TECRL: variants seen among roughly 807,000 people sequenced by gnomAD.
TECRL encodes trans-2,3-enoyl-CoA reductase like.
TECRL carries 63 observed loss-of-function variants against 52.8 expected under a neutral mutation model. The observed-to-expected ratio is 1.19, with a 90% CI of 0.97 to 1.47. The LOEUF (loss-of-function observed/expected upper bound fraction) is 1.47. Ranked by LOEUF, TECRL falls within the 40% of genes most tolerant of loss-of-function variation. The probability of loss-of-function intolerance (pLI) is 0.00; values close to 1 mark genes in which losing one functional copy is unlikely to be tolerated. For synonymous variants in TECRL, 164 were observed against 141.9 expected (o/e 1.16, Z -1.10); for missense variants, 482 against 429.6 (o/e 1.12, Z -1.08).
chr4:64,342,504 G>A (rs1719658089), intron 2 of TECRL, among the ~76,000 whole-genome samples: 1 of 151,818 alleles, frequency 6.6e-6, no homozygotes, highest in African/African-American at 2.4e-5. Context: ...TTAAATGTGA[G>A]ACTGTTACTT....
rs1722740741 is a variant in TECRL, at chr4:64,280,081, G to A, written c.1083C>T (p.Phe361=). The change falls in exon 12 of 12, where the codon TTC becomes TTT. Residue 361 remains phenylalanine, a synonymous_variant. Coordinates refer to ENST00000381210, the MANE Select transcript of TECRL (RefSeq NM_001010874.5). ...AGATAAGATTCTTTTTTTACAATAT[G>A]AATGGAATCATTGCTGATTTTCTAT... ...YIHRKSAMIP[F]IL 6.3e-7 allele frequency: 1 copy of A among 1,589,638 alleles called. No individual in the cohort carries two copies. The highest frequency in any genetic ancestry group is 1.2e-5 in the South Asian group (1 of 86,638).
intron 3 of TECRL, among the ~76,000 whole-genome samples, chr4:64,324,399 G>T (rs2110035316): frequency 6.6e-6 from 1 of 151,706 alleles, no homozygotes; most frequent in East Asian, 1.9e-4. Context: ...TATTATTGTT[G>T]TTATTATTAT....
Position 64,278,394 on chromosome 4 carries a change from A to T in TECRL, c.*1678T>A, listed in dbSNP as rs1390222938. On this transcript the variant is annotated 3_prime_UTR_variant, in exon 12 of 12. Transcript: ENST00000381210. ...ACAATAAAAGAATTAAATTATTGTC[A>T]AAATAATGAGATTCAAGTAATTTAA... 1 of 246,222 alleles carries T rather than the reference A, an allele frequency of 4.1e-6. No homozygotes were observed. Among genetic ancestry groups the T allele is most frequent in the African/African-American group, 2.3e-5 (1 of 43,150 alleles). 15.3% of individuals were successfully genotyped at this position (246,222 alleles called of 1,614,324 possible).
chr4:64,302,012 G>A (rs1287989718), intron 7 of TECRL, among the ~76,000 whole-genome samples: 6 of 150,958 alleles, frequency 4.0e-5, no homozygotes, highest in Non-Finnish European at 8.9e-5. Flanking sequence ...TAACCTAATA[G>A]GCCATTATTC....
Position 64,342,019 on chromosome 4 carries a change from C to T in TECRL, c.287-13463G>A, listed in dbSNP as rs199940560. Reference sequence around the variant, plus strand: ...GGCCAGTAGCATGAGCTCAGTGCAACCTGCCAGGCCGAGTGGGCAGAATGA... The same window carrying T: ...GGCCAGTAGCATGAGCTCAGTGCAATCTGCCAGGCCGAGTGGGCAGAATGA... On this transcript the variant is annotated intron_variant, in intron 2 of 11. Transcript: ENST00000381210. 6.6e-5 allele frequency among the ~76,000 whole-genome samples: 10 copies of T among 152,136 alleles called. No homozygotes were observed. The East Asian group carries it at 9.6e-4, about 15-fold the overall frequency.
chr4:64,287,293 T>G (rs1452910893), intron 9 of TECRL, among the ~76,000 whole-genome samples: 1 of 152,148 alleles, frequency 6.6e-6, no homozygotes, highest in Non-Finnish European at 1.5e-5. Flanking sequence ...AACAAACATA[T>G]GCTTATATTA....
At chr4:64,277,033 T>C (rs1402612392), downstream of TECRL, 16 of 1,495,212 alleles carry the variant, frequency 1.1e-5, no homozygotes, top group Non-Finnish European at 1.4e-5. Context: ...TCTTTTGATG[T>C]CTTAGGCAGT....
chr4:64,289,027 G>A (rs557629840), intron 9 of TECRL, among the ~76,000 whole-genome samples: 1 of 152,260 alleles, frequency 6.6e-6, no homozygotes, highest in African/African-American at 2.4e-5. Flanking sequence ...TCAGCAGGGG[G>A]TAGAAAATGC....
intron 1 of TECRL, among the ~76,000 whole-genome samples, chr4:64,385,642 G>T (rs182363210): frequency 6.6e-6 from 1 of 152,204 alleles, no homozygotes; most frequent in Non-Finnish European, 1.5e-5. Context: ...AGGGGTTGTT[G>T]GGCCCCAAGG....
At chr4:64,282,886 A>G (rs985841191) in intron 9 of TECRL, among the ~76,000 whole-genome samples, 1 of 152,050 alleles carries the variant, frequency 6.6e-6, no homozygotes, top group Non-Finnish European at 1.5e-5. Context: ...ATGTTCTCTC[A>G]ACCTATAGTT....
intron 2 of TECRL, among the ~76,000 whole-genome samples, chr4:64,332,428 A>G (rs182950782): frequency 6.6e-6 from 1 of 152,304 alleles, no homozygotes; most frequent in African/African-American, 2.4e-5. Flanking sequence ...CTTCTCTGGA[A>G]GGAGATCGCT....
At chr4:64,401,015 A>G (rs2109779881) in intron 1 of TECRL, among the ~76,000 whole-genome samples, 1 of 152,320 alleles carries the variant, frequency 6.6e-6, no homozygotes, top group Middle Eastern at 3.4e-3. Context: ...AGTGTCTTAA[A>G]GCCTAAGCAG....
chr4:64,307,950 C>T lies in TECRL; in HGVS notation c.657+1876G>A, dbSNP rs115583204. Among the ~76,000 whole-genome samples the T allele has an allele frequency of 4.3e-3, 656 of 152,244 alleles. 4 individuals are homozygous for T. The highest frequency in any genetic ancestry group is 0.014 in the African/African-American group (602 of 41,558). The stretch of plus-strand genomic sequence containing the variant: ...TAATATGGGAAGATGGAGGAGAAAA[C>T]ACTTTCAAATGTGCATACTGGAGGA... On this transcript the variant is annotated intron_variant, in intron 6 of 11. Transcript: ENST00000381210.
chr4:64,341,390 C>A (rs911153925), intron 2 of TECRL, among the ~76,000 whole-genome samples: 3 of 152,050 alleles, frequency 2.0e-5, no homozygotes, highest in African/African-American at 7.2e-5. Context: ...CACCTGAGAT[C>A]AGGATTTGAG....
intron 2 of TECRL, among the ~76,000 whole-genome samples, chr4:64,371,148 G>C (rs1410488607): frequency 6.6e-6 from 1 of 151,096 alleles, no homozygotes; most frequent in East Asian, 1.9e-4. Context: ...TGCCATTTAG[G>C]GCATCTTATC....
intron 3 of TECRL, among the ~76,000 whole-genome samples, chr4:64,325,710 A>T (rs182093402): frequency 8.4e-4 from 127 of 151,948 alleles, no homozygotes; most frequent in African/African-American, 3.0e-3. Flanking sequence ...TATCACTTGA[A>T]AGTGTGCTGA....
rs1297129789 is a variant in TECRL, at chr4:64,280,012, C to G, written c.*60G>C. ...GAGTATAATAGTTAACTATCCTTAA[C>G]TAAGTCTTATTTATTGAATTTATAT... On this transcript the variant is annotated 3_prime_UTR_variant, in exon 12 of 12. Coordinates refer to ENST00000381210, the MANE Select transcript of TECRL (RefSeq NM_001010874.5). 1 of 1,522,336 alleles carries G rather than the reference C, an allele frequency of 6.6e-7. No homozygotes were observed. Among genetic ancestry groups the G allele is most frequent in the African/African-American group, 1.4e-5 (1 of 71,046 alleles). 94.3% of individuals were successfully genotyped at this position (1,522,336 alleles called of 1,614,324 possible). A position where few individuals can be genotyped will look rare whatever the true frequency, so the allele number is the denominator to read the frequency against.
intron 7 of TECRL, among the ~76,000 whole-genome samples, chr4:64,300,510 T>C (rs1723954640): frequency 6.6e-6 from 1 of 150,582 alleles, no homozygotes; most frequent in South Asian, 2.1e-4. Context: ...TAAAAAAAAA[T>C]ATAGGTTAAG....
At chr4:64,342,778 A>T (rs1429619709) in intron 2 of TECRL, among the ~76,000 whole-genome samples, 1 of 152,124 alleles carries the variant, frequency 6.6e-6, no homozygotes, top group African/African-American at 2.4e-5. Flanking sequence ...AATTATTAAG[A>T]ACTCATTAAA....
Sources: allele counts gnomAD v4.1 joint callset (sites outside exome capture counted in the v4.1 genomes callset), GRCh38; gene constraint gnomAD v4.1.1; transcripts MANE v1.5; gene names NCBI Gene and HGNC (gene_info 2026-07-23, HGNC 2026-07-21).